Variants in PHYKPL observed in about 807,000 individuals in gnomAD.
PHYKPL encodes 5-phosphohydroxy-L-lysine phospho-lyase.
A neutral mutation model predicts 51.3 loss-of-function variants in PHYKPL; 42 were observed. The ratio of observed to expected loss-of-function variants is 0.82; its 90% CI spans 0.64 to 1.06. The LOEUF is 1.06. Ranked by LOEUF, PHYKPL falls within the 50% of genes least tolerant of loss-of-function variation. The pLI is 0.00. For missense variants in PHYKPL, 655 were observed against 586.6 expected, an observed-to-expected ratio of 1.12 and a Z score of -1.20; for synonymous variants, 264 against 236.0, an observed-to-expected ratio of 1.12 and a Z score of -1.09.
In PHYKPL at chr5:178,215,591, G is replaced by C. The variant is rs1759610826; in HGVS notation, c.928-161C>G. ...CACAGTCCTCAGCAGTAGTAAGTGG[G>C]GTTCAACATGGGCTGTCCTGGCTTT... On this transcript the variant is annotated intron_variant, in intron 8 of 12. Coordinates refer to ENST00000308158, the MANE Select transcript of PHYKPL (RefSeq NM_153373.4). 2.5e-5 allele frequency: 20 copies of C among 799,532 alleles called. 1 individual carries two copies. In the South Asian group the frequency reaches 4.0e-4, roughly 16 times the overall value. The allele number at this position is 799,532 out of a possible 1,614,324, so 49.5% of individuals were successfully genotyped here. A position where few individuals can be genotyped will look rare whatever the true frequency, so the allele number is the denominator to read the frequency against.
At chr5:178,212,130 A>C (rs878931200) in intron 11 of PHYKPL, among the ~76,000 whole-genome samples, 160 bp from the exon 12 acceptor site, 2 of 152,214 alleles carry the variant, frequency 1.3e-5, no homozygotes, top group East Asian at 1.9e-4. Flanking sequence ...AGTTTCCTGA[A>C]AAACAAAGCC....
At chr5:178,220,253 C>CT (rs1484911462) in intron 8 of PHYKPL, among the ~76,000 whole-genome samples, 1 of 148,692 alleles carries the variant, frequency 6.7e-6, no homozygotes, top group Non-Finnish European at 1.5e-5. Flanking sequence ...AATCCCAGTG[C>CT]TTTGGGAGGC....
chr5:178,230,137 C>T (rs776707395), intron 2 of PHYKPL, 38 bp from the exon 3 acceptor site: 2 of 1,609,578 alleles, frequency 1.2e-6, no homozygotes, highest in South Asian at 2.2e-5. Flanking sequence ...GCTGGCTCCA[C>T]TCAGCCAGTC....
At chr5:178,226,178 C>T (rs990924608) in intron 3 of PHYKPL, 1 of 151,486 alleles carries the variant, frequency 6.6e-6, no homozygotes, top group African/African-American at 2.4e-5. Context: ...CAGGCTCAAG[C>T]AATTCTCCTG....
At chr5:178,226,082 T>C (rs982810250) in intron 3 of PHYKPL, 1 of 128,904 alleles carries the variant, frequency 7.8e-6, no homozygotes, top group African/African-American at 2.6e-5. Flanking sequence ...GAATTTCTTT[T>C]TTTTTTTTTT....
Position 178,211,672 on chromosome 5 carries a change from G to GC in PHYKPL, c.*31+217dup, listed in dbSNP as rs1758473301. 1.3e-5 allele frequency: 7 copies of GC among 542,652 alleles called. No homozygotes were observed. In the South Asian group the frequency reaches 1.4e-4, roughly 11 times the overall value. 33.6% of individuals were successfully genotyped at this position (542,652 alleles called of 1,614,324 possible). ...TGGGTTGGGGTTCCACGTGGATACA[G>GC]CCCCATAGGTTTCAAGGGAGGATAT... On this transcript the variant is annotated intron_variant, in intron 12 of 12. Coordinates refer to ENST00000308158, the MANE Select transcript of PHYKPL (RefSeq NM_153373.4).
At position 178,232,731 on chromosome 5, in the gene PHYKPL, G is replaced by A. The variant is rs1049369354; in HGVS notation, c.-181C>T. On this transcript the variant is annotated 5_prime_UTR_variant, in exon 1 of 13. Coordinates refer to ENST00000308158, the MANE Select transcript of PHYKPL (RefSeq NM_153373.4). ...TGGTTCATTTCTTCGCTTGCCCACTGGGCCTGGCAGCCTTCCGGCCCGTGG... is the reference window on the plus strand; with the variant it reads ...TGGTTCATTTCTTCGCTTGCCCACTAGGCCTGGCAGCCTTCCGGCCCGTGG... The A allele has an allele frequency of 6.4e-6, 4 of 623,450 alleles. No homozygotes were observed. Among genetic ancestry groups the A allele is most frequent in the Admixed American group, 4.6e-5 (1 of 21,932 alleles). The allele number at this position is 623,450 out of a possible 1,614,324, so 38.6% of individuals were successfully genotyped here.
chr5:178,211,417 C>G (rs1284660134), intron 12 of PHYKPL: 1 of 158,674 alleles, frequency 6.3e-6, no homozygotes, highest in Non-Finnish European at 1.4e-5. Flanking sequence ...GCAGGCATGT[C>G]CCCTCCTGGG....
At chr5:178,220,149 C>G (rs7705704) in intron 8 of PHYKPL, among the ~76,000 whole-genome samples, 1 of 144,070 alleles carries the variant, frequency 6.9e-6, no homozygotes, top group African/African-American at 2.6e-5. Flanking sequence ...GAGCTGAGAT[C>G]GCGTCACTGC....
intron 8 of PHYKPL, among the ~76,000 whole-genome samples, chr5:178,220,687 T>G (rs1334382502): frequency 6.8e-6 from 1 of 147,010 alleles, no homozygotes; most frequent in South Asian, 2.1e-4. Context: ...CAGAGACTTA[T>G]GAAAACTATT....
At chr5:178,225,142 C>A in intron 4 of PHYKPL, 1 of 603,004 alleles carries the variant, frequency 1.7e-6, no homozygotes, top group South Asian at 2.0e-5. Flanking sequence ...ACAAAGCGCA[C>A]TCTGCTCCCC....
chr5:178,227,207 C>T (rs568696099), intron 3 of PHYKPL, among the ~76,000 whole-genome samples: 11 of 152,184 alleles, frequency 7.2e-5, no homozygotes, highest in African/African-American at 2.4e-4. Flanking sequence ...TCACCAGTGT[C>T]CTTATAAGAG....
chr5:178,211,267 C>T (rs1242512646), intron 12 of PHYKPL: 3 of 153,178 alleles, frequency 2.0e-5, no homozygotes, highest in Non-Finnish European at 4.3e-5. Context: ...TCTCCTGCAG[C>T]AGGCTCTTCC....
At chr5:178,225,096 C>A in intron 4 of PHYKPL, 1 of 574,964 alleles carries the variant, frequency 1.7e-6, no homozygotes, top group Non-Finnish European at 3.1e-6. Flanking sequence ...GTAGTTTGAA[C>A]ATGTACAATG....
intron 1 of PHYKPL, 93 bp downstream of exon 1, chr5:178,232,399 G>A: frequency 1.5e-6 from 2 of 1,330,368 alleles, no homozygotes; most frequent in South Asian, 2.0e-5. Context: ...CTAGCCGGAG[G>A]CGCGTGCGTA....
intron 11 of PHYKPL, among the ~76,000 whole-genome samples, chr5:178,212,439 C>T (rs1758739750): frequency 6.6e-6 from 1 of 152,234 alleles, no homozygotes; most frequent in Non-Finnish European, 1.5e-5. Context: ...GGCAACACAG[C>T]CATGAGATTT....
intron 8 of PHYKPL, among the ~76,000 whole-genome samples, chr5:178,217,558 GAA>G (rs869086983): frequency 4.0e-5 from 5 of 123,780 alleles, no homozygotes; most frequent in South Asian, 2.6e-4. Context: ...AAGAATCAGT[GAA>G]AAAAAAAAAA....
intron 1 of PHYKPL, chr5:178,231,912 C>T (rs992615485): frequency 7.8e-7 from 1 of 1,290,160 alleles, no homozygotes. Context: ...GCCTGGCTCT[C>T]AGCCCTAAAC....
intron 8 of PHYKPL, 37 bp from the exon 9 acceptor site, chr5:178,215,467 C>T (rs1459859148): frequency 1.9e-6 from 3 of 1,582,196 alleles, no homozygotes; most frequent in Non-Finnish European, 2.6e-6. Context: ...GATGCCCTGG[C>T]AGAGTGGGCC....
Sources: allele counts gnomAD v4.1 joint callset (sites outside exome capture counted in the v4.1 genomes callset), GRCh38; gene constraint gnomAD v4.1.1; transcripts MANE v1.5; gene names NCBI Gene and HGNC (gene_info 2026-07-23, HGNC 2026-07-21).